CAMK2N2: variants seen among roughly 807,000 people sequenced by gnomAD.
CAMK2N2 encodes calcium/calmodulin dependent protein kinase II inhibitor 2.
Under a neutral mutation model 7.8 loss-of-function variants are expected in CAMK2N2, and 3 were observed. The ratio of observed to expected loss-of-function variants is 0.38; its 90% CI spans 0.18 to 0.99. The LOEUF is 0.99. CAMK2N2 is among the 50% of genes least tolerant of loss of function. The pLI is 0.37. For synonymous variants in CAMK2N2, 45 were observed against 46.6 expected, an observed-to-expected ratio of 0.97 and a Z score of 0.14; for missense variants, 85 against 108.4, an observed-to-expected ratio of 0.78 and a Z score of 0.96.
At position 184,259,793 on chromosome 3, in the gene CAMK2N2, C is replaced by G; in HGVS notation, c.*364G>C. 1 of 137,994 alleles carries G rather than the reference C, an allele frequency of 7.2e-6. No homozygotes were observed. The highest frequency in any genetic ancestry group is 2.4e-4 in the East Asian group (1 of 4,212). The allele number at this position is 137,994 out of a possible 1,614,324, so 8.5% of individuals were successfully genotyped here. A position where few individuals can be genotyped will look rare whatever the true frequency, so the allele number is the denominator to read the frequency against. ...GGTCCGACACCGGCGGCCGCCCGGTCTGCAGACCAGACTGGCCGGAGGGGG... is the reference window on the plus strand; with the variant it reads ...GGTCCGACACCGGCGGCCGCCCGGTGTGCAGACCAGACTGGCCGGAGGGGG... On this transcript the variant is annotated 3_prime_UTR_variant, in exon 2 of 2. Transcript: ENST00000296238.
rs1719952250 is a variant in CAMK2N2, at chr3:184,259,535, GCCA to G, written c.*619_*621del. 6.5e-6 allele frequency: 1 copy of G among 152,808 alleles called. No individual in the cohort carries two copies. The highest frequency in any genetic ancestry group is 1.5e-5 in the Non-Finnish European group (1 of 68,174). 9.5% of individuals were successfully genotyped at this position (152,808 alleles called of 1,614,324 possible). Reference sequence around the variant, plus strand: ...CCCAGCCTCAACACCCATCCTATCTGCCAGGCGCAGAAGAGCGTGGCCGAGACT... The same window carrying G: ...CCCAGCCTCAACACCCATCCTATCTGGGCGCAGAAGAGCGTGGCCGAGACT... On this transcript the variant is annotated 3_prime_UTR_variant, in exon 2 of 2. Transcript: ENST00000296238.
Position 184,259,936 on chromosome 3 carries a change from C to T in CAMK2N2, c.*221G>A, listed in dbSNP as rs1011851082. ...CCCGAGGTTTTAAAGTGCATGAGCGCGGCGGCGGGTTCCGGGCGGGTCCGC... is the reference window on the plus strand; with the variant it reads ...CCCGAGGTTTTAAAGTGCATGAGCGTGGCGGCGGGTTCCGGGCGGGTCCGC... On this transcript the variant is annotated 3_prime_UTR_variant, in exon 2 of 2. Coordinates refer to ENST00000296238, the MANE Select transcript of CAMK2N2 (RefSeq NM_033259.3). The T allele has an allele frequency of 2.6e-4, 39 of 151,872 alleles. No homozygotes were observed. Among genetic ancestry groups the T allele is most frequent in the Non-Finnish European group, 4.7e-4 (32 of 68,106 alleles). 9.4% of individuals were successfully genotyped at this position (151,872 alleles called of 1,614,324 possible). A position where few individuals can be genotyped will look rare whatever the true frequency, so the allele number is the denominator to read the frequency against.
rs74389490 is a variant in CAMK2N2, at chr3:184,260,979, C to A, written c.169+138G>T. 4 of 895,618 alleles carry A rather than the reference C, an allele frequency of 4.5e-6. No homozygotes were observed. Among genetic ancestry groups the A allele is most frequent in the African/African-American group, 3.6e-5 (2 of 55,540 alleles). 55.5% of individuals were successfully genotyped at this position (895,618 alleles called of 1,614,324 possible). ...ACACACACTGCAGCGGGGACCCCCC[C>A]CTCCAGCCCGGGCTGGAGAGCGGCT... On this transcript the variant is annotated intron_variant, in intron 1 of 1. Coordinates refer to ENST00000296238, the MANE Select transcript of CAMK2N2 (RefSeq NM_033259.3). This position sits in a 1 kb window ranked among gnomAD's most constrained non-coding sequence, Gnocchi z 6.6.
At position 184,261,155 on chromosome 3, in the gene CAMK2N2, C is replaced by T; in HGVS notation, c.131G>A (p.Arg44Gln). 1.9e-6 allele frequency: 3 copies of T among 1,606,426 alleles called. No homozygotes were observed. The highest frequency in any genetic ancestry group is 2.5e-6 in the Non-Finnish European group (3 of 1,177,412). The change falls in exon 1 of 2, where the codon CGA (arginine) becomes CAA (glutamine). Residue 44 changes from arginine to glutamine, a missense_variant. Transcript: ENST00000296238. This position sits in a 1 kb window ranked among gnomAD's most constrained non-coding sequence, Gnocchi z 5.1. ...NSFFAGNQAKRPPKLGQIGRA... is the reference protein window; with the variant it reads ...NSFFAGNQAKQPPKLGQIGRA... ...GCCGATCTGGCCCAGCTTGGGGGGT[C>T]GCTTGGCCTGGTTGCCCGCGAAGAA...
At position 184,261,396 on chromosome 3, in the gene CAMK2N2, G is replaced by C; in HGVS notation, c.-111C>G. The stretch of plus-strand genomic sequence containing the variant: ...GCAGGGGAGCCGGCGGAAGGATGAA[G>C]TCATGCAGCATCCGGGGCTGAGGAG... On this transcript the variant is annotated 5_prime_UTR_variant, in exon 1 of 2. Coordinates refer to ENST00000296238, the MANE Select transcript of CAMK2N2 (RefSeq NM_033259.3). The surrounding 1 kb of genome is among the most constrained non-coding windows in gnomAD (Gnocchi z 5.1). 3 of 942,726 alleles carry C rather than the reference G, an allele frequency of 3.2e-6. No homozygotes were observed. The highest frequency in any genetic ancestry group is 4.2e-6 in the Non-Finnish European group (3 of 708,942). The allele number at this position is 942,726 out of a possible 1,614,324, so 58.4% of individuals were successfully genotyped here. A position where few individuals can be genotyped will look rare whatever the true frequency, so the allele number is the denominator to read the frequency against.
rs769308598 is a variant in CAMK2N2, at chr3:184,261,113, G to A, written c.169+4C>T. 4 of 1,595,696 alleles carry A rather than the reference G, an allele frequency of 2.5e-6. No homozygotes were observed. In the African/African-American group the frequency reaches 5.5e-5, roughly 22 times the overall value. On this transcript the variant is annotated splice_donor_region_variant and intron_variant, in intron 1 of 1. Coordinates refer to ENST00000296238, the MANE Select transcript of CAMK2N2 (RefSeq NM_033259.3). The surrounding 1 kb of genome is among the most constrained non-coding windows in gnomAD (Gnocchi z 5.1). ...GGCGGCGACTCCGGGCCCGGGCCGCGTACCTCGCTTGGCTCGGCCGATCTG... is the reference window on the plus strand; with the variant it reads ...GGCGGCGACTCCGGGCCCGGGCCGCATACCTCGCTTGGCTCGGCCGATCTG...
chr3:184,260,358 G>T lies in CAMK2N2; in HGVS notation c.170-131C>A, dbSNP rs1215735051. 3.9e-6 allele frequency: 3 copies of T among 764,798 alleles called. No homozygotes were observed. The highest frequency in any genetic ancestry group is 6.1e-6 in the Non-Finnish European group (3 of 491,872). 47.4% of individuals were successfully genotyped at this position (764,798 alleles called of 1,614,324 possible). A position where few individuals can be genotyped will look rare whatever the true frequency, so the allele number is the denominator to read the frequency against. ...GACGCCCCTCGGAACCCTGTGCCGCGGTGTCCTCCCCGTCCGAACTCTTCT... is the reference window on the plus strand; with the variant it reads ...GACGCCCCTCGGAACCCTGTGCCGCTGTGTCCTCCCCGTCCGAACTCTTCT... On this transcript the variant is annotated intron_variant, in intron 1 of 1. Transcript: ENST00000296238. The surrounding 1 kb of genome is among the most constrained non-coding windows in gnomAD (Gnocchi z 6.6).
In CAMK2N2 at chr3:184,259,777, C is replaced by A. The variant is rs113537348; in HGVS notation, c.*380G>T. ...ATCCCTGGCCGCGCGCGGTCCGACACCGGCGGCCGCCCGGTCTGCAGACCA... is the reference window on the plus strand; with the variant it reads ...ATCCCTGGCCGCGCGCGGTCCGACAACGGCGGCCGCCCGGTCTGCAGACCA... On this transcript the variant is annotated 3_prime_UTR_variant, in exon 2 of 2. Coordinates refer to ENST00000296238, the MANE Select transcript of CAMK2N2 (RefSeq NM_033259.3). The A allele has an allele frequency of 0.015, 2,206 of 149,720 alleles. 25 individuals are homozygous for A. The highest frequency in any genetic ancestry group is 0.022 in the Non-Finnish European group (1,506 of 67,250). The allele number at this position is 149,720 out of a possible 1,614,324, so 9.3% of individuals were successfully genotyped here.
Position 184,260,996 on chromosome 3 carries a change from A to G in CAMK2N2, c.169+121T>C. ...GACCCCCCCCTCCAGCCCGGGCTGG[A>G]GAGCGGCTGGTGCGCTGGTCTGCGG... On this transcript the variant is annotated intron_variant, in intron 1 of 1. Coordinates refer to ENST00000296238, the MANE Select transcript of CAMK2N2 (RefSeq NM_033259.3). This position sits in a 1 kb window ranked among gnomAD's most constrained non-coding sequence, Gnocchi z 6.6. 45 of 788,446 alleles carry G rather than the reference A, an allele frequency of 5.7e-5. No individual in the cohort carries two copies. Among genetic ancestry groups the G allele is most frequent in the East Asian group, 1.5e-4 (3 of 20,194 alleles). 48.8% of individuals were successfully genotyped at this position (788,446 alleles called of 1,614,324 possible). A position where few individuals can be genotyped will look rare whatever the true frequency, so the allele number is the denominator to read the frequency against.
In CAMK2N2 at chr3:184,260,963, G is replaced by T. The variant is rs1037332501; in HGVS notation, c.169+154C>A. On this transcript the variant is annotated intron_variant, in intron 1 of 1. Coordinates refer to ENST00000296238, the MANE Select transcript of CAMK2N2 (RefSeq NM_033259.3). This position sits in a 1 kb window ranked among gnomAD's most constrained non-coding sequence, Gnocchi z 6.6. Reference sequence around the variant, plus strand: ...AGAAGGGAAGAGGGGGACACACACTGCAGCGGGGACCCCCCCCTCCAGCCC... The same window carrying T: ...AGAAGGGAAGAGGGGGACACACACTTCAGCGGGGACCCCCCCCTCCAGCCC... Among the ~76,000 whole-genome samples, 2 of 152,152 alleles carry T rather than the reference G, an allele frequency of 1.3e-5. No homozygotes were observed. Among genetic ancestry groups the T allele is most frequent in the African/African-American group, 4.8e-5 (2 of 41,460 alleles).
At position 184,260,285 on chromosome 3, in the gene CAMK2N2, T is replaced by A. The variant is rs1719994913; in HGVS notation, c.170-58A>T. 2 of 1,529,794 alleles carry A rather than the reference T, an allele frequency of 1.3e-6. No individual in the cohort carries two copies. Among genetic ancestry groups the A allele is most frequent in the Admixed American group, 3.4e-5 (2 of 58,952 alleles). The allele number at this position is 1,529,794 out of a possible 1,614,324, so 94.8% of individuals were successfully genotyped here. On this transcript the variant is annotated intron_variant, in intron 1 of 1. Transcript: ENST00000296238. The surrounding 1 kb of genome is among the most constrained non-coding windows in gnomAD (Gnocchi z 6.6). ...CCTCGGGGGGCGGCGGCGATGAGAATGAGCCCCGCGTCCTAGCTTCCCGCG... is the reference window on the plus strand; with the variant it reads ...CCTCGGGGGGCGGCGGCGATGAGAAAGAGCCCCGCGTCCTAGCTTCCCGCG...
Sources: gnomAD v4.1 joint callset for allele counts (sites outside exome capture counted in the v4.1 genomes callset) on GRCh38, gnomAD v4.1.1 for gene constraint, Gnocchi (gnomAD v3.1) non-coding constraint, MANE v1.5 for transcripts, NCBI Gene and HGNC (gene_info 2026-07-23, HGNC 2026-07-21) for gene names.